CIITA: variants seen among roughly 807,000 people sequenced by gnomAD.
CIITA encodes MHC class II transactivator.
Under a neutral mutation model 115.1 loss-of-function variants are expected in CIITA, and 72 were observed. The observed-to-expected ratio is 0.63, with a 90% CI of 0.52 to 0.76. The LOEUF (loss-of-function observed/expected upper bound fraction) is 0.76, where lower values mean the gene tolerates loss of function less well. CIITA is among the 30% of genes least tolerant of loss of function. The pLI is 0.00. For missense variants in CIITA, 1,617 were observed against 1,463.8 expected, an observed-to-expected ratio of 1.10 and a Z score of -1.71; for synonymous variants, 763 against 635.6, an observed-to-expected ratio of 1.20 and a Z score of -3.02.
At chr16:10,869,341 C>A (rs60195849) in intron 1 of CIITA, among the ~76,000 whole-genome samples, 2,507 of 152,300 alleles carry the variant, frequency 0.016, 77 homozygotes, top group African/African-American at 0.057. Flanking sequence ...TGCCTCAGAA[C>A]CTTTGCACAT....
Position 10,942,334 on chromosome 16 carries a change from C to A in CIITA, n.1460C>A. Reference sequence around the variant, plus strand: ...CTCGCAGAGCCGGTGGGGATCCCACCGCGGCTCAGTGTCTAGGGCCGGTCC... The same window carrying A: ...CTCGCAGAGCCGGTGGGGATCCCACAGCGGCTCAGTGTCTAGGGCCGGTCC... On this transcript the variant is annotated non_coding_transcript_exon_variant, in exon 2 of 2. Coordinates refer to the CIITA transcript ENST00000573379. This position sits in a 1 kb window ranked among gnomAD's most constrained non-coding sequence, Gnocchi z 5.0. 1 of 252,242 alleles carries A rather than the reference C, an allele frequency of 4.0e-6. No individual in the cohort carries two copies. Among genetic ancestry groups the A allele is most frequent in the Non-Finnish European group, 7.7e-6 (1 of 130,136 alleles). The allele number at this position is 252,242 out of a possible 1,614,324, so 15.6% of individuals were successfully genotyped here.
In CIITA at chr16:10,927,386, T is replaced by A. The variant is rs1162027377; in HGVS notation, c.*3531T>A. 1 of 152,272 alleles carries A rather than the reference T, an allele frequency of 6.6e-6. No homozygotes were observed. Among genetic ancestry groups the A allele is most frequent in the Non-Finnish European group, 1.5e-5 (1 of 68,052 alleles). The allele number at this position is 152,272 out of a possible 1,614,324, so 9.4% of individuals were successfully genotyped here. ...GCTTTGTACACTGCTGTGCCCTCTG[T>A]ACCCAGCAAGGCGCCTGTGTATAAT... is the stretch of plus-strand genomic sequence containing the variant. On this transcript the variant is annotated 3_prime_UTR_variant, in exon 20 of 20. Transcript: ENST00000324288.
rs770391756 is a variant in CIITA, at chr16:10,922,483, A to G, written c.3310A>G (p.Thr1104Ala). ...CCTTCGGAGGTGTCCTCATGTGGAG[A>G]CGCTGGCGTAAGTCCAGGCAACCCT... Reference protein sequence around the residue: ...ASLRRCPHVETLAMWTPTIPF... With the variant: ...ASLRRCPHVEALAMWTPTIPF... Residue 1104 changes from threonine (T) to alanine (A), a missense_variant, in exon 18 of 20, where the codon ACG becomes GCG. Coordinates refer to ENST00000324288, the MANE Select transcript of CIITA (RefSeq NM_000246.4). 6.2e-7 allele frequency: 1 copy of G among 1,613,918 alleles called. No homozygotes were observed.
chr16:10,880,282 C>T (rs1249679712), intron 1 of CIITA, among the ~76,000 whole-genome samples: 1 of 152,106 alleles, frequency 6.6e-6, no homozygotes, highest in African/African-American at 2.4e-5. Flanking sequence ...CGGGCTCACC[C>T]CCAGGCCCGG....
At position 10,907,206 on chromosome 16, in the gene CIITA, G is replaced by A; in HGVS notation, c.1714G>A (p.Glu572Lys). The A allele has an allele frequency of 6.2e-7, 1 of 1,613,436 alleles. No homozygotes were observed. Among genetic ancestry groups the A allele is most frequent in the Non-Finnish European group, 8.5e-7 (1 of 1,179,982 alleles). Residue 572 changes from glutamate to lysine, a missense_variant, in exon 11 of 20, where the codon GAG becomes AAG. Physicochemically the swap from Glu to Lys is moderately conservative, Grantham distance 56. Coordinates refer to ENST00000324288, the MANE Select transcript of CIITA (RefSeq NM_000246.4). This position sits in a 1 kb window ranked among gnomAD's most constrained non-coding sequence, Gnocchi z 5.0. ...ATTTGAGCTGTCCGGCTTCTCCATG[G>A]AGCAGGCCCAGGCATACGTGATGCG... Reference protein sequence around the residue: ...ALFELSGFSMEQAQAYVMRYF... With the variant: ...ALFELSGFSMKQAQAYVMRYF...
chr16:10,907,336 G>C lies in CIITA; in HGVS notation c.1844G>C (p.Arg615Pro), dbSNP rs769140062. ...CACAGCCACAGCCCTACTTTGTGCC[G>C]GGCAGTGTGCCAGCTCTCAGAGGCC... ...LSHSHSPTLC[R>P]AVCQLSEALL... is the part of the protein sequence containing the mutation. Residue 615 changes from arginine to proline, a missense_variant, in exon 11 of 20, where the codon CGG becomes CCG. Arg to Pro is a moderately radical substitution (Grantham distance 103, BLOSUM62 -2). Coordinates refer to ENST00000324288, the MANE Select transcript of CIITA (RefSeq NM_000246.4). The surrounding 1 kb of genome is among the most constrained non-coding windows in gnomAD (Gnocchi z 5.0). 6.2e-7 allele frequency: 1 copy of C among 1,613,522 alleles called. No homozygotes were observed.
intron 1 of CIITA, among the ~76,000 whole-genome samples, chr16:10,883,090 G>T (rs1322388264): frequency 1.3e-5 from 2 of 152,090 alleles, no homozygotes; most frequent in Non-Finnish European, 2.9e-5. Context: ...GTTCATCTTG[G>T]GGTCTCCAGC....
intron 1 of CIITA, among the ~76,000 whole-genome samples, chr16:10,893,804 T>TAAAAAAAAAAAAAAAAA (rs71136603): frequency 2.5e-4 from 8 of 32,168 alleles, no homozygotes; most frequent in Non-Finnish European, 3.9e-4. Context: ...GACTCCGTCT[T>TAAAAAAAAAAAAAAAAA]AAAAAAAAAA....
Position 10,907,445 on chromosome 16 carries a change from C to T in CIITA, c.1953C>T (p.Asp651=). 1.2e-6 allele frequency: 2 copies of T among 1,613,044 alleles called. No homozygotes were observed. Among genetic ancestry groups the T allele is most frequent in the Non-Finnish European group, 1.7e-6 (2 of 1,179,840 alleles). The change falls in exon 11 of 20, where the codon GAC becomes GAT. Residue 651 remains aspartate (D), a synonymous_variant. Coordinates refer to ENST00000324288, the MANE Select transcript of CIITA (RefSeq NM_000246.4). The surrounding 1 kb of genome is among the most constrained non-coding windows in gnomAD (Gnocchi z 5.0). ...YVGLLGRAAL[D]SPPGALAELA... is the part of the protein sequence containing the mutation. Reference sequence around the variant, plus strand: ...GCCTGCTGGGCCGTGCAGCCCTCGACAGCCCCCCCGGGGCCCTGGCAGAGC... The same window carrying T: ...GCCTGCTGGGCCGTGCAGCCCTCGATAGCCCCCCCGGGGCCCTGGCAGAGC...
intron 1 of CIITA, among the ~76,000 whole-genome samples, chr16:10,890,919 A>C (rs1326917923): frequency 6.6e-6 from 1 of 152,158 alleles, no homozygotes; most frequent in Non-Finnish European, 1.5e-5. Context: ...TGAGGCTCCA[A>C]GTGGTTTAAA....
At chr16:10,908,567 C>A in intron 11 of CIITA, 1 of 413,348 alleles carries the variant, frequency 2.4e-6, no homozygotes, top group Non-Finnish European at 4.5e-6. Flanking sequence ...GCAACCAGAC[C>A]AATCTTCTCA....
chr16:10,910,255 T>C lies in CIITA; in HGVS notation c.2884T>C (p.Phe962Leu). 2.5e-6 allele frequency: 4 copies of C among 1,613,222 alleles called. No homozygotes were observed. The highest frequency in any genetic ancestry group is 3.4e-6 in the Non-Finnish European group (4 of 1,179,718). ...PAVRDLKKLE[F>L]ALGPVSGPQA... ...TGTTCGGGACCTAAAGAAACTGGAG[T>C]TTGCGTAAGCAAAGGGGTGGATTGT... Residue 962 changes from phenylalanine (F) to leucine (L), a missense_variant, in exon 13 of 20, where the codon TTT becomes CTT. Coordinates refer to ENST00000324288, the MANE Select transcript of CIITA (RefSeq NM_000246.4).
chr16:10,929,471 C>T lies in CIITA; in HGVS notation c.*5616C>T. 3 of 985,800 alleles carry T rather than the reference C, an allele frequency of 3.0e-6. No homozygotes were observed. Among genetic ancestry groups the T allele is most frequent in the Non-Finnish European group, 2.4e-6 (2 of 829,968 alleles). 61.1% of individuals were successfully genotyped at this position (985,800 alleles called of 1,614,324 possible). A position where few individuals can be genotyped will look rare whatever the true frequency, so the allele number is the denominator to read the frequency against. ...TCTGTGGGAGCAGGTGCCTTCCCAA[C>T]CTCAGCACTCAGTCCCAATCTCTCT... On this transcript the variant is annotated 3_prime_UTR_variant, in exon 20 of 20. Transcript: ENST00000324288. The surrounding 1 kb of genome is among the most constrained non-coding windows in gnomAD (Gnocchi z 4.3).
At position 10,907,730 on chromosome 16, in the gene CIITA, C is replaced by G; in HGVS notation, c.2238C>G (p.Pro746=). The G allele has an allele frequency of 6.2e-7, 1 of 1,614,240 alleles. No homozygotes were observed. ...CATTGACCCCAAGGAAGAAGAGGCC[C>G]TATGACAACTGGCTGGAGGGCGTGC... ...YLALTPRKKR[P]YDNWLEGVPR... Residue 746 remains proline (P), a synonymous_variant, in exon 11 of 20, where the codon CCC becomes CCG. Coordinates refer to ENST00000324288, the MANE Select transcript of CIITA (RefSeq NM_000246.4). The surrounding 1 kb of genome is among the most constrained non-coding windows in gnomAD (Gnocchi z 5.0).
At chr16:10,905,436 C>G (rs551912481) in intron 10 of CIITA, among the ~76,000 whole-genome samples, 1 of 152,006 alleles carries the variant, frequency 6.6e-6, no homozygotes, top group East Asian at 1.9e-4. Flanking sequence ...AGTGATCAAG[C>G]GAAGAAAAAG....
At chr16:10,880,959 T>C (rs2036360450) in intron 1 of CIITA, among the ~76,000 whole-genome samples, 1 of 152,070 alleles carries the variant, frequency 6.6e-6, no homozygotes, top group South Asian at 2.1e-4. Context: ...TTATTATAGA[T>C]CCTAAAGGGA....
chr16:10,922,243 G>C lies in CIITA; in HGVS notation c.3226G>C (p.Val1076Leu). ...RVLPDMVSLR[V>L]MDVQYNKFTA... is the part of the protein sequence containing the mutation. ...GCTTCCGGACATGGTGTCCCTCCGG[G>C]TGATGGAGTGAGTGTGGGAGTCTGG... The change falls in exon 17 of 20, where the codon GTG becomes CTG. Residue 1076 changes from valine to leucine, a missense_variant. Val to Leu is a conservative substitution (Grantham distance 32). Coordinates refer to ENST00000324288, the MANE Select transcript of CIITA (RefSeq NM_000246.4). The C allele has an allele frequency of 6.2e-7, 1 of 1,614,234 alleles. No individual in the cohort carries two copies. The highest frequency in any genetic ancestry group is 2.2e-5 in the East Asian group (1 of 44,886).
chr16:10,904,709 C>A, intron 9 of CIITA, 35 bp from the exon 10 acceptor site: 3 of 1,613,482 alleles, frequency 1.9e-6, no homozygotes, highest in Non-Finnish European at 2.5e-6. Context: ...GGGTAACCCT[C>A]ACCCTAAATC....
In CIITA at chr16:10,902,701, G is replaced by C; in HGVS notation, c.672G>C (p.Glu224Asp). The change falls in exon 8 of 20, where the codon GAG becomes GAC. Residue 224 changes from glutamate (E) to aspartate (D), a missense_variant. Transcript: ENST00000324288. Reference protein sequence around the residue: ...SSSLSCLNLPEGPIQFVPTIS... With the variant: ...SSSLSCLNLPDGPIQFVPTIS... ...CGTTGAGCTGCCTGAATCTCCCTGA[G>C]GGACCCATCCAGTTTGTCCCCACCA... is the stretch of plus-strand genomic sequence containing the variant. 6.2e-7 allele frequency: 1 copy of C among 1,614,226 alleles called. No homozygotes were observed. The highest frequency in any genetic ancestry group is 8.5e-7 in the Non-Finnish European group (1 of 1,180,034).
Sources: allele counts gnomAD v4.1 joint callset (sites outside exome capture counted in the v4.1 genomes callset), GRCh38; gene constraint gnomAD v4.1.1; non-coding constraint Gnocchi (gnomAD v3.1); transcripts MANE v1.5; gene names NCBI Gene and HGNC (gene_info 2026-07-23, HGNC 2026-07-21).